FBXL18: variants seen among roughly 807,000 people sequenced by gnomAD.
FBXL18 encodes the protein F-box/LRR-repeat protein 18.
In FBXL18, 36 loss-of-function variants were observed where a neutral mutation model predicts 46.0. The observed-to-expected ratio is 0.78, with a 90% CI of 0.60 to 1.03. FBXL18 has a LOEUF of 1.03. Among genes scored for constraint, FBXL18 ranks in the 50% least tolerant of loss-of-function variants. FBXL18 has a pLI of 0.00. For synonymous variants in FBXL18, 557 were observed against 465.3 expected, an observed-to-expected ratio of 1.20 and a Z score of -2.54; for missense variants, 977 against 1,004.1, an observed-to-expected ratio of 0.97 and a Z score of 0.36.
At chr7:5,498,244 C>T (rs976809096) in intron 3 of FBXL18, among the ~76,000 whole-genome samples, 1 of 152,058 alleles carries the variant, frequency 6.6e-6, no homozygotes, top group Non-Finnish European at 1.5e-5. Flanking sequence ...CCCACCACCA[C>T]GCCCAGCTAA....
chr7:5,465,717 A>G (rs957995263), intron 4 of FBXL18, among the ~76,000 whole-genome samples: 3 of 152,094 alleles, frequency 2.0e-5, no homozygotes, highest in Admixed American at 6.6e-5. Context: ...AAAACTACCT[A>G]TTGGGTACTA....
intron 1 of FBXL18, among the ~76,000 whole-genome samples, chr7:5,513,334 A>G (rs1387673535): frequency 1.3e-5 from 2 of 151,702 alleles, no homozygotes; most frequent in Non-Finnish European, 2.9e-5. Context: ...GCAGGGGCCC[A>G]GCCAAGGAAC....
At chr7:5,484,029 C>G (rs753621049) in intron 4 of FBXL18, among the ~76,000 whole-genome samples, 4 of 152,214 alleles carry the variant, frequency 2.6e-5, no homozygotes, top group Admixed American at 6.5e-5. Flanking sequence ...TCTTTCCACA[C>G]AGTAATCTCG....
intron 1 of FBXL18, among the ~76,000 whole-genome samples, chr7:5,507,994 C>T (rs994295928): frequency 2.6e-5 from 4 of 151,956 alleles, no homozygotes; most frequent in South Asian, 4.2e-4. Context: ...TTAGGCCAGA[C>T]GTGGTGGCTC....
At chr7:5,491,565 T>C (rs1783927766) in intron 3 of FBXL18, 116 bp from the exon 4 acceptor site, 3 of 824,616 alleles carry the variant, frequency 3.6e-6, no homozygotes, top group Admixed American at 2.7e-5. Flanking sequence ...AGCCCAGCTG[T>C]TCCCGCCACC....
chr7:5,488,103 C>T (rs557579706), intron 4 of FBXL18, among the ~76,000 whole-genome samples: 7 of 152,380 alleles, frequency 4.6e-5, no homozygotes, highest in Non-Finnish European at 7.3e-5. Context: ...CTTCAAAAAA[C>T]GCACCGTCCA....
chr7:5,513,645 C>A lies in FBXL18; in HGVS notation c.18+12G>T. Reference sequence around the variant, plus strand: ...GAGGCAGAAGCAGAGCGGAGACAGTCGCGGACAGTACCTCTCCGGAGCTGG... The same window carrying A: ...GAGGCAGAAGCAGAGCGGAGACAGTAGCGGACAGTACCTCTCCGGAGCTGG... On this transcript the variant is annotated intron_variant, in intron 1 of 4. Transcript: ENST00000382368. 4 of 1,612,030 alleles carry A rather than the reference C, an allele frequency of 2.5e-6. No homozygotes were observed. The highest frequency in any genetic ancestry group is 3.4e-6 in the Non-Finnish European group (4 of 1,179,102).
At chr7:5,459,221 C>T (rs759737638) in intron 4 of FBXL18, among the ~76,000 whole-genome samples, 7 of 152,182 alleles carry the variant, frequency 4.6e-5, no homozygotes, top group Non-Finnish European at 1.0e-4. Context: ...CTCAGGCCGG[C>T]GGTAGGATTT....
rs761762119 is a variant in FBXL18 at position 5,509,701 on chromosome 7, C to CAA, written c.18+3954_18+3955dup. Among the ~76,000 whole-genome samples, 103 of 65,480 alleles carry CAA rather than the reference C, an allele frequency of 1.6e-3. 1 individual carries two copies. The highest frequency in any genetic ancestry group is 0.012 in the Middle Eastern group (1 of 84). 43.0% of individuals were successfully genotyped at this position (65,480 alleles called of 152,430 possible). A position where few individuals can be genotyped will look rare whatever the true frequency, so the allele number is the denominator to read the frequency against. On this transcript the variant is annotated intron_variant, in intron 1 of 4. Coordinates refer to ENST00000382368, the MANE Select transcript of FBXL18 (RefSeq NM_024963.6). Reference sequence around the variant, plus strand: ...TGGGTGACAGAGTGAGATTCCATCTCAAAAAAAAAAAAAAAAAAGAGAAGT... The same window carrying CAA: ...TGGGTGACAGAGTGAGATTCCATCTCAAAAAAAAAAAAAAAAAAAAGAGAAGT...
chr7:5,498,923 T>A (rs1394021575), intron 3 of FBXL18, among the ~76,000 whole-genome samples: 1 of 152,182 alleles, frequency 6.6e-6, no homozygotes, highest in Non-Finnish European at 1.5e-5. Flanking sequence ...GATTTTCAAA[T>A]TCATCTCAAG....
chr7:5,488,364 C>T (rs920981198), intron 4 of FBXL18, among the ~76,000 whole-genome samples: 1 of 152,222 alleles, frequency 6.6e-6, no homozygotes, highest in African/African-American at 2.4e-5. Flanking sequence ...GAAGGAAAAG[C>T]AGGCTCATCG....
chr7:5,508,264 C>CA (rs35577676), intron 1 of FBXL18, among the ~76,000 whole-genome samples: 12,690 of 124,648 alleles, frequency 0.1, 584 homozygotes, highest in Admixed American at 0.12. Context: ...GACTCCATCT[C>CA]AAAAAAAAAA....
chr7:5,486,057 TC>T (rs1361670573), intron 4 of FBXL18, among the ~76,000 whole-genome samples: 3 of 110,056 alleles, frequency 2.7e-5, no homozygotes, highest in Admixed American at 1.0e-4. Context: ...AGACTCTGTC[TC>T]AAAAAAATAA....
rs189808739 is a variant in FBXL18, at chr7:5,502,742, C to T, written c.238-711G>A. On this transcript the variant is annotated intron_variant, in intron 2 of 4. Transcript: ENST00000382368. ...GCTACTGGGGAGGAGGCAGGAGAAT[C>T]GCTTGAACCTGGGAGGCAGAGGTTG... Among the ~76,000 whole-genome samples the T allele has an allele frequency of 8.6e-5, 13 of 151,538 alleles. No homozygotes were observed. The East Asian group carries it at 1.9e-3, about 23-fold the overall frequency.
chr7:5,500,392 C>T, intron 3 of FBXL18, 96 bp downstream of exon 3: 3 of 1,207,900 alleles, frequency 2.5e-6, no homozygotes, highest in South Asian at 1.5e-5. Flanking sequence ...CTCTGCACTC[C>T]TGGAGGGCAG....
chr7:5,490,329 G>C, intron 4 of FBXL18: 1 of 1,091,700 alleles, frequency 9.2e-7, no homozygotes, highest in South Asian at 2.1e-5. Flanking sequence ...GAGAGGTCTT[G>C]AAATGCGTCA....
chr7:5,475,295 C>T (rs1008729234), downstream of FBXL18, among the ~76,000 whole-genome samples: 4 of 152,008 alleles, frequency 2.6e-5, no homozygotes, highest in Admixed American at 2.6e-4. The surrounding 1 kb of genome is among the most constrained non-coding windows in gnomAD (Gnocchi z 4.2). Flanking sequence ...GCCCTCCAGC[C>T]TGGGCGACAG....
Position 5,501,422 on chromosome 7 carries a change from G to C in FBXL18, c.847C>G (p.Leu283Val). The change falls in exon 3 of 5, where the codon CTG becomes GTG. Residue 283 changes from leucine to valine, a missense_variant. By Grantham distance (32) the Leu-to-Val change is conservative. Transcript: ENST00000382368. ...FAESGATKNL[L>V]DSMARNVVLD... is the part of the protein sequence containing the mutation. ...ACGACATTGCGCGCCATGGAGTCCA[G>C]GAGGTTCTTGGTGGCGCCGCTCTCC... 6.2e-7 allele frequency: 1 copy of C among 1,613,620 alleles called. No individual in the cohort carries two copies. Among genetic ancestry groups the C allele is most frequent in the Non-Finnish European group, 8.5e-7 (1 of 1,180,036 alleles).
downstream of FBXL18, chr7:5,475,781 G>A (rs1301807550): frequency 6.6e-6 from 1 of 152,202 alleles, no homozygotes. The surrounding 1 kb of genome is among the most constrained non-coding windows in gnomAD (Gnocchi z 4.2). Flanking sequence ...CGTGCTGGAA[G>A]GACCACACAG....
Sources: allele counts gnomAD v4.1 joint callset (sites outside exome capture counted in the v4.1 genomes callset), GRCh38; gene constraint gnomAD v4.1.1; non-coding constraint Gnocchi (gnomAD v3.1); transcripts MANE v1.5; gene names NCBI Gene and HGNC (gene_info 2026-07-23, HGNC 2026-07-21).